The following FZR1 variants were observed in gnomAD, a reference collection of about 807,000 sequenced individuals.
The protein encoded by FZR1 is fizzy-related protein homolog.
In FZR1, 11 loss-of-function variants were observed where a neutral mutation model predicts 63.6. That is an observed-to-expected ratio of 0.17 (90% CI 0.11 to 0.29). FZR1 has a LOEUF of 0.29. Ranked by LOEUF, FZR1 falls within the 10% of genes least tolerant of loss-of-function variation. The probability of loss-of-function intolerance (pLI) is 1.00; values close to 1 mark genes in which losing one functional copy is unlikely to be tolerated. For synonymous variants in FZR1, 328 were observed against 297.9 expected (o/e 1.10, Z -1.04); for missense variants, 440 against 687.5 (o/e 0.64, Z 4.03).
intron 1 of FZR1, among the ~76,000 whole-genome samples, chr19:3,509,295 C>T (rs532603812): frequency 6.6e-6 from 1 of 152,282 alleles, no homozygotes; most frequent in Non-Finnish European, 1.5e-5. Flanking sequence ...GAGGGGCACA[C>T]AAGCAGCCTG....
In FZR1 at chr19:3,530,831, G is replaced by A; in HGVS notation, c.694G>A (p.Val232Met). Residue 232 changes from valine (V) to methionine (M), a missense_variant, in exon 8 of 14, where the codon GTG (valine) becomes ATG (methionine). By Grantham distance (21) the Val-to-Met change is conservative. This residue lies in a region of FZR1 where 208 missense variants were observed against 363.6 expected (regional missense o/e 0.57). Transcript: ENST00000441788. ...LCDLSVEGDS[V>M]TSVGWSERGN... ...TGACCTCTCAGTGGAAGGGGACTCA[G>A]TGACCTCCGTGGGCTGGTCTGAGCG... 1 of 1,613,124 alleles carries A rather than the reference G, an allele frequency of 6.2e-7. No individual in the cohort carries two copies. The highest frequency in any genetic ancestry group is 8.5e-7 in the Non-Finnish European group (1 of 1,179,696).
At chr19:3,517,092 A>G (rs966320704) in intron 1 of FZR1, among the ~76,000 whole-genome samples, 1 of 152,204 alleles carries the variant, frequency 6.6e-6, no homozygotes, top group Non-Finnish European at 1.5e-5. Context: ...ACATTCTCTC[A>G]TTCTGGAAAA....
chr19:3,526,535 C>T lies in FZR1; in HGVS notation c.387+149C>T, dbSNP rs1158093209. On this transcript the variant is annotated intron_variant, in intron 5 of 13. Coordinates refer to ENST00000441788, the MANE Select transcript of FZR1 (RefSeq NM_016263.4). The surrounding 1 kb of genome is among the most constrained non-coding windows in gnomAD (Gnocchi z 5.4). ...CCCCGCCCTGACCCTGTTCCTTAGCCAGGTCAGGGGCCCTGGGATCTGAGG... is the reference window on the plus strand; with the variant it reads ...CCCCGCCCTGACCCTGTTCCTTAGCTAGGTCAGGGGCCCTGGGATCTGAGG... The T allele has an allele frequency of 6.3e-6, 4 of 633,616 alleles. No homozygotes were observed. Among genetic ancestry groups the T allele is most frequent in the South Asian group, 5.7e-5 (3 of 52,792 alleles). The allele number at this position is 633,616 out of a possible 1,614,324, so 39.2% of individuals were successfully genotyped here.
intron 1 of FZR1, among the ~76,000 whole-genome samples, chr19:3,519,204 C>T (rs961362834): frequency 6.6e-6 from 1 of 152,258 alleles, no homozygotes; most frequent in Non-Finnish European, 1.5e-5. Flanking sequence ...ACACCTGCCA[C>T]CCTCTGAAAC....
intron 1 of FZR1, among the ~76,000 whole-genome samples, chr19:3,522,395 C>T (rs905613944): frequency 2.6e-5 from 4 of 152,194 alleles, no homozygotes; most frequent in Admixed American, 2.0e-4. Flanking sequence ...TCTGCATGGG[C>T]CCCTGGATGT....
At chr19:3,513,013 A>G (rs926586291) in intron 1 of FZR1, among the ~76,000 whole-genome samples, 2 of 152,080 alleles carry the variant, frequency 1.3e-5, no homozygotes, top group African/African-American at 2.4e-5. Flanking sequence ...ATGGCTGGAC[A>G]TCACGCCCAG....
chr19:3,520,442 T>C (rs1433507917), intron 1 of FZR1, among the ~76,000 whole-genome samples: 1 of 152,226 alleles, frequency 6.6e-6, no homozygotes, highest in Non-Finnish European at 1.5e-5. Flanking sequence ...GGGCCTTCTA[T>C]GTGGTCGTGG....
rs1406180717 is a variant in FZR1, at chr19:3,515,682, G to T, written c.-34-7274G>T. On this transcript the variant is annotated intron_variant, in intron 1 of 13. Transcript: ENST00000441788. This position sits in a 1 kb window ranked among gnomAD's most constrained non-coding sequence, Gnocchi z 4.6. ...CTCGGGAGGCTGAGGCAGGAGAATG[G>T]TGTGAACCAGGAGGCGGAGCTTGCA... 6.6e-6 allele frequency among the ~76,000 whole-genome samples: 1 copy of T among 151,864 alleles called. No homozygotes were observed. Among genetic ancestry groups the T allele is most frequent in the Non-Finnish European group, 1.5e-5 (1 of 67,966 alleles).
At position 3,525,338 on chromosome 19, in the gene FZR1, C is replaced by G. The variant is rs183906370; in HGVS notation, c.70-530C>G. On this transcript the variant is annotated intron_variant, in intron 2 of 13. Coordinates refer to ENST00000441788, the MANE Select transcript of FZR1 (RefSeq NM_016263.4). The surrounding 1 kb of genome is among the most constrained non-coding windows in gnomAD (Gnocchi z 4.2). Reference sequence around the variant, plus strand: ...TGGCAGCGTTGGGAGGCTGAGCCTGCCCGTGGGCCTGGCATCTCCCGGAGG... The same window carrying G: ...TGGCAGCGTTGGGAGGCTGAGCCTGGCCGTGGGCCTGGCATCTCCCGGAGG... Among the ~76,000 whole-genome samples the G allele has an allele frequency of 2.6e-3, 392 of 152,178 alleles. 2 individuals carry two copies. The highest frequency in any genetic ancestry group is 1.9e-3 in the Non-Finnish European group (131 of 68,004).
chr19:3,520,216 G>A (rs1018523387), intron 1 of FZR1, among the ~76,000 whole-genome samples: 2 of 152,226 alleles, frequency 1.3e-5, no homozygotes, highest in Non-Finnish European at 2.9e-5. Flanking sequence ...TGGGGCTGCG[G>A]GAGGCAGCTG....
chr19:3,509,090 ACT>A (rs1327892790), intron 1 of FZR1, among the ~76,000 whole-genome samples: 4 of 151,864 alleles, frequency 2.6e-5, no homozygotes, highest in Non-Finnish European at 2.9e-5. Context: ...CTGCTCGTCA[ACT>A]CCGCTTGTCA....
At position 3,525,893 on chromosome 19, in the gene FZR1, C is replaced by T. The variant is rs768044432; in HGVS notation, c.95C>T (p.Thr32Met). The change falls in exon 3 of 14, where the codon ACG becomes ATG. Residue 32 changes from threonine to methionine, a missense_variant. By Grantham distance (81) the Thr-to-Met change is moderately conservative. Coordinates refer to ENST00000441788, the MANE Select transcript of FZR1 (RefSeq NM_016263.4). The surrounding 1 kb of genome is among the most constrained non-coding windows in gnomAD (Gnocchi z 4.2). ...PRVTEMRRTL[T>M]PASSPVSSPS... is the part of the protein sequence containing the mutation. Reference sequence around the variant, plus strand: ...GTCACAGAGATGCGGCGGACCCTGACGCCTGCCAGCTCCCCAGTGTCCTCG... The same window carrying T: ...GTCACAGAGATGCGGCGGACCCTGATGCCTGCCAGCTCCCCAGTGTCCTCG... 6.2e-6 allele frequency: 10 copies of T among 1,612,098 alleles called. No individual in the cohort carries two copies. The highest frequency in any genetic ancestry group is 1.3e-5 in the African/African-American group (1 of 75,046).
In FZR1 at chr19:3,537,590, A is replaced by C. The variant is rs1424686101; in HGVS notation, c.*2754A>C. ...GGGTCTGGGCGGAGAGAACAGGAGGAATGGCTGGGAAGTGGCTGAGGGAGC... is the reference window on the plus strand; with the variant it reads ...GGGTCTGGGCGGAGAGAACAGGAGGCATGGCTGGGAAGTGGCTGAGGGAGC... On this transcript the variant is annotated 3_prime_UTR_variant, in exon 14 of 14. Transcript: ENST00000441788. 6.5e-6 allele frequency: 1 copy of C among 152,810 alleles called. No individual in the cohort carries two copies. The highest frequency in any genetic ancestry group is 2.4e-5 in the African/African-American group (1 of 41,394). 9.5% of individuals were successfully genotyped at this position (152,810 alleles called of 1,614,324 possible).
At chr19:3,520,802 CAG>C (rs1478720705) in intron 1 of FZR1, among the ~76,000 whole-genome samples, 1 of 152,270 alleles carries the variant, frequency 6.6e-6, no homozygotes, top group African/African-American at 2.4e-5. Flanking sequence ...TATCTCAGGA[CAG>C]AGTGGTGCTC....
Position 3,527,624 on chromosome 19 carries a change from T to C in FZR1, c.471-7T>C. On this transcript the variant is annotated splice_polypyrimidine_tract_variant and splice_region_variant and intron_variant, in intron 6 of 13. Coordinates refer to ENST00000441788, the MANE Select transcript of FZR1 (RefSeq NM_016263.4). ...GGCTCACGGATGCCACGTGGCCGCC[T>C]CTGCAGCCAGAAGCTGCTCCGGTCC... 6 of 1,600,540 alleles carry C rather than the reference T, an allele frequency of 3.7e-6. No homozygotes were observed. The highest frequency in any genetic ancestry group is 2.6e-6 in the Non-Finnish European group (3 of 1,174,158).
chr19:3,507,715 C>T (rs566029512), intron 1 of FZR1, among the ~76,000 whole-genome samples: 9 of 152,176 alleles, frequency 5.9e-5, no homozygotes, highest in East Asian at 1.9e-4. Context: ...TGGTCTCTCT[C>T]GGGGTGGGGG....
At chr19:3,512,364 G>A (rs746739116) in intron 1 of FZR1, among the ~76,000 whole-genome samples, 5 of 152,208 alleles carry the variant, frequency 3.3e-5, no homozygotes, top group Admixed American at 6.5e-5. Context: ...CCTCATGCCT[G>A]ATTTCACAGC....
intron 1 of FZR1, among the ~76,000 whole-genome samples, chr19:3,520,005 C>T (rs577797837): frequency 6.6e-6 from 1 of 152,270 alleles, no homozygotes; most frequent in Admixed American, 6.5e-5. Flanking sequence ...ATTCCCTGTT[C>T]ATCTGCAAAT....
chr19:3,513,243 GGCTGTGTCCCGGCCCACCCCCGA>G (rs1971060461), intron 1 of FZR1, among the ~76,000 whole-genome samples: 1 of 152,096 alleles, frequency 6.6e-6, no homozygotes, highest in African/African-American at 2.4e-5. Context: ...ACCTGTGAGG[GGCTGTGTCCCGGCCCACCCCCGA>G]GCTCTGTCAC....
Sources: allele counts gnomAD v4.1 joint callset (sites outside exome capture counted in the v4.1 genomes callset), GRCh38; gene constraint gnomAD v4.1.1; regional missense constraint gnomAD v4.1.1; non-coding constraint Gnocchi (gnomAD v3.1); transcripts MANE v1.5; gene names NCBI Gene and HGNC (gene_info 2026-07-23, HGNC 2026-07-21).